CCDC3: variants seen among roughly 807,000 people sequenced by gnomAD.
CCDC3 encodes the protein coiled-coil domain-containing protein 3.
Under a neutral mutation model 21.4 loss-of-function variants are expected in CCDC3, and 24 were observed. The observed-to-expected ratio is 1.12, with a 90% CI of 0.81 to 1.58. The LOEUF is 1.58. Ranked by LOEUF, CCDC3 falls within the 40% of genes most tolerant of loss-of-function variation. The probability of loss-of-function intolerance (pLI) is 0.00; values close to 1 mark genes in which losing one functional copy is unlikely to be tolerated. For synonymous variants in CCDC3, 186 were observed against 166.0 expected, an observed-to-expected ratio of 1.12 and a Z score of -0.93; for missense variants, 425 against 360.9, an observed-to-expected ratio of 1.18 and a Z score of -1.44.
At chr10:13,042,906 CAAAAAAA>C (rs55911312) in intron 5 of CCDC3, among the ~76,000 whole-genome samples, 6 of 100,422 alleles carry the variant, frequency 6.0e-5, no homozygotes, top group Admixed American at 1.1e-4. Context: ...GAGACTGTCT[CAAAAAAA>C]AAAAAAAAAA....
intron 2 of CCDC3, among the ~76,000 whole-genome samples, chr10:12,928,655 A>G (rs1184594468): frequency 3.9e-5 from 6 of 152,190 alleles, no homozygotes; most frequent in Non-Finnish European, 8.8e-5. Context: ...ATCCAAGTCA[A>G]CCGACCTCCC....
At chr10:12,942,487 C>A (rs905804802) in intron 2 of CCDC3, among the ~76,000 whole-genome samples, 3 of 152,150 alleles carry the variant, frequency 2.0e-5, no homozygotes, top group South Asian at 4.1e-4. Flanking sequence ...GAAGCTTGCA[C>A]GGGTGAATGC....
At chr10:12,912,591 C>T (rs987864536) in intron 2 of CCDC3, among the ~76,000 whole-genome samples, 1 of 152,046 alleles carries the variant, frequency 6.6e-6, no homozygotes, top group Non-Finnish European at 1.5e-5. Flanking sequence ...ATCATTTTCT[C>T]TGCTGGACAG....
chr10:12,960,384 G>A lies in CCDC3; in HGVS notation c.549+37954C>T, dbSNP rs1012830807. Among the ~76,000 whole-genome samples the A allele has an allele frequency of 2.6e-5, 4 of 152,222 alleles. No individual in the cohort carries two copies. In the East Asian group the frequency reaches 7.7e-4, roughly 29 times the overall value. ...GAGAAAAGCCAGGACAGAGAAAGAC[G>A]GAGGCGGGAGAGAGACAGTCTGAGT... is the stretch of plus-strand genomic sequence containing the variant. On this transcript the variant is annotated intron_variant, in intron 2 of 2. Transcript: ENST00000378825.
intron 5 of CCDC3, among the ~76,000 whole-genome samples, chr10:13,033,158 A>T (rs1456410417): frequency 6.6e-6 from 1 of 152,222 alleles, no homozygotes; most frequent in Admixed American, 6.5e-5. Context: ...GACCAATGGA[A>T]CAGAACAGAG....
chr10:13,079,791 G>A (rs1837012027), intron 3 of CCDC3, among the ~76,000 whole-genome samples: 2 of 152,212 alleles, frequency 1.3e-5, no homozygotes, highest in African/African-American at 2.4e-5. Flanking sequence ...TAGGGAAAGG[G>A]GGAGGAGAAG....
chr10:12,929,406 G>A (rs941814101), intron 2 of CCDC3, among the ~76,000 whole-genome samples: 1 of 152,134 alleles, frequency 6.6e-6, no homozygotes, highest in Admixed American at 6.5e-5. Context: ...GGTCTGCAGG[G>A]ACTCTGATGA....
rs192292765 is a variant in CCDC3 at position 13,033,821 on chromosome 10, T to C, written c.-2+15853A>G. 4.4e-3 allele frequency among the ~76,000 whole-genome samples: 672 copies of C among 152,286 alleles called. 4 individuals are homozygous for C. The highest frequency in any genetic ancestry group is 0.015 in the African/African-American group (617 of 41,554). On this transcript the variant is annotated intron_variant, in intron 5 of 6. Transcript: ENST00000378839. ...CATCTCACACCAGTTAGAATGGCAATCATTAAAAAGTCATGAAACAACAGG... is the reference window on the plus strand; with the variant it reads ...CATCTCACACCAGTTAGAATGGCAACCATTAAAAAGTCATGAAACAACAGG...
intron 4 of CCDC3, chr10:13,058,087 C>T: frequency 1.3e-6 from 1 of 767,212 alleles, no homozygotes; most frequent in South Asian, 1.3e-5. Flanking sequence ...CCCTGATGTG[C>T]TTCTGGTGTA....
intron 5 of CCDC3, among the ~76,000 whole-genome samples, chr10:13,037,611 C>T (rs1836394400): frequency 6.6e-6 from 1 of 152,152 alleles, no homozygotes; most frequent in South Asian, 2.1e-4. Context: ...AGTTCACCCC[C>T]CTCTGAATTT....
rs541911506 is a variant in CCDC3 at position 12,906,839 on chromosome 10, C to T, written c.550-8160G>A. Among the ~76,000 whole-genome samples, 67 of 152,254 alleles carry T rather than the reference C, an allele frequency of 4.4e-4. 1 individual carries two copies. The highest frequency in any genetic ancestry group is 1.5e-3 in the African/African-American group (61 of 41,540). On this transcript the variant is annotated intron_variant, in intron 2 of 2. Transcript: ENST00000378825. The stretch of plus-strand genomic sequence containing the variant: ...AAAGCTTTTGTGATTGTCGTTCGCC[C>T]GAGCTTGACCTTTGCTGCTGGAACT...
chr10:12,970,114 T>C (rs541428834), intron 2 of CCDC3, among the ~76,000 whole-genome samples: 4 of 152,286 alleles, frequency 2.6e-5, no homozygotes, highest in African/African-American at 2.4e-5. Context: ...GTCTCCAAGA[T>C]GGTAATTTAA....
chr10:12,959,195 C>A (rs1835141797), intron 2 of CCDC3, among the ~76,000 whole-genome samples: 1 of 151,426 alleles, frequency 6.6e-6, no homozygotes. Flanking sequence ...TGAGATGGCA[C>A]CTCGCTCTGT....
At chr10:12,979,274 T>G (rs1485257584) in intron 2 of CCDC3, among the ~76,000 whole-genome samples, 1 of 152,138 alleles carries the variant, frequency 6.6e-6, no homozygotes, top group Non-Finnish European at 1.5e-5. Flanking sequence ...ACTTTTCACA[T>G]GAAAGATGTA....
At chr10:12,900,706 AAAAC>A (rs1344845413) in intron 2 of CCDC3, among the ~76,000 whole-genome samples, 6 of 149,024 alleles carry the variant, frequency 4.0e-5, no homozygotes, top group Non-Finnish European at 7.5e-5. Context: ...AAAAAAAAAA[AAAAC>A]AAACTCCATC....
intron 2 of CCDC3, among the ~76,000 whole-genome samples, chr10:12,970,269 A>G (rs1266136843): frequency 6.6e-6 from 1 of 152,188 alleles, no homozygotes; most frequent in Non-Finnish European, 1.5e-5. Flanking sequence ...CGGCAACTAC[A>G]GTCAATAACA....
At chr10:13,055,685 C>G (rs1235317302) in intron 4 of CCDC3, among the ~76,000 whole-genome samples, 1 of 152,160 alleles carries the variant, frequency 6.6e-6, no homozygotes, top group East Asian at 1.9e-4. Context: ...AGACACTCTT[C>G]CAACATGAAT....
intron 5 of CCDC3, among the ~76,000 whole-genome samples, chr10:13,043,837 G>A (rs1209044832): frequency 6.6e-6 from 1 of 152,056 alleles, no homozygotes. Flanking sequence ...GTAACTTTTT[G>A]GTGGAATGAT....
At chr10:13,012,720 G>A (rs891152150) in intron 5 of CCDC3, among the ~76,000 whole-genome samples, 3 of 152,032 alleles carry the variant, frequency 2.0e-5, no homozygotes, top group Non-Finnish European at 2.9e-5. Context: ...GCAGTGAGCT[G>A]AGATTGCACC....
Sources: gnomAD v4.1 joint callset for allele counts (sites outside exome capture counted in the v4.1 genomes callset) on GRCh38, gnomAD v4.1.1 for gene constraint, MANE v1.5 for transcripts, NCBI Gene and HGNC (gene_info 2026-07-23, HGNC 2026-07-21) for gene names.